Variants in COL1A1 observed in about 807,000 individuals in gnomAD.
COL1A1 encodes the protein collagen type I alpha 1 chain, also known as collagen alpha-1(I) chain.
In COL1A1, 21 loss-of-function variants were observed where a neutral mutation model predicts 195.7. The ratio of observed to expected loss-of-function variants is 0.11; its 90% CI spans 0.08 to 0.15. The LOEUF is 0.15. COL1A1 is among the 10% of genes least tolerant of loss of function. COL1A1 has a pLI of 1.00. For missense variants in COL1A1, 1,365 were observed against 2,051.0 expected (o/e 0.67, Z 6.46); for synonymous variants, 749 against 747.3 (o/e 1.00, Z -0.04).
rs540488544 is a variant in COL1A1, at chr17:50,193,063, G to A, written c.1768-16C>T. 3 of 1,613,466 alleles carry A rather than the reference G, an allele frequency of 1.9e-6. No homozygotes were observed. Among genetic ancestry groups the A allele is most frequent in the Non-Finnish European group, 2.5e-6 (3 of 1,179,832 alleles). On this transcript the variant is annotated splice_polypyrimidine_tract_variant and intron_variant, in intron 25 of 50. Coordinates refer to ENST00000225964, the MANE Select transcript of COL1A1 (RefSeq NM_000088.4). ...CGGGCTCTCCCTGTGGAGAAAGGGA[G>A]TTAGGGTTGAGGGGGCTGAAGTGAG...
At position 50,198,579 on chromosome 17, in the gene COL1A1, C is replaced by T. The variant is rs998104483; in HGVS notation, c.472-75G>A. Reference sequence around the variant, plus strand: ...AAGACGGCACTGAGGATGGAAGAAACTGACATCATGCACTTCCTGGTGTGA... The same window carrying T: ...AAGACGGCACTGAGGATGGAAGAAATTGACATCATGCACTTCCTGGTGTGA... On this transcript the variant is annotated intron_variant, in intron 5 of 50. Transcript: ENST00000225964. 4.9e-5 allele frequency: 58 copies of T among 1,172,800 alleles called. No homozygotes were observed. In the Middle Eastern group the frequency reaches 2.3e-3, roughly 46 times the overall value. The allele number at this position is 1,172,800 out of a possible 1,614,324, so 72.6% of individuals were successfully genotyped here. A position where few individuals can be genotyped will look rare whatever the true frequency, so the allele number is the denominator to read the frequency against.
At chr17:50,187,678 C>G in intron 45 of COL1A1, 141 bp from the exon 46 acceptor site, 2 of 1,002,334 alleles carry the variant, frequency 2.0e-6, no homozygotes, top group South Asian at 2.7e-5. Context: ...TGTCCATAGG[C>G]AGAGACCTCT....
rs1906473910 is a variant in COL1A1, at chr17:50,185,957, G to A, written c.4069C>T (p.Leu1357=). 6.2e-7 allele frequency: 1 copy of A among 1,613,934 alleles called. No individual in the cohort carries two copies. Among genetic ancestry groups the A allele is most frequent in the Admixed American group, 1.7e-5 (1 of 60,004 alleles). The change falls in exon 50 of 51, where the codon CTG becomes TTG. Residue 1357 remains leucine (L), a synonymous_variant. Coordinates refer to ENST00000225964, the MANE Select transcript of COL1A1 (RefSeq NM_000088.4). ...TTCTGGGAGGCCTCGGTGGACATCA[G>A]GCGCAGGAAGGTCAGCTGGATGGCC... is the stretch of plus-strand genomic sequence containing the variant. ...DVAIQLTFLR[L]MSTEASQNIT... is the part of the protein sequence containing the mutation.
intron 9 of COL1A1, 129 bp downstream of exon 9, chr17:50,197,603 C>T: frequency 1.3e-6 from 1 of 768,146 alleles, no homozygotes; most frequent in Non-Finnish European, 2.2e-6. Context: ...CCAGGGCAGT[C>T]CGTGCATCAG....
intron 1 of COL1A1, chr17:50,200,331 T>C: frequency 2.8e-6 from 1 of 352,934 alleles, no homozygotes; most frequent in Middle Eastern, 9.8e-4. Flanking sequence ...GCTTGCGTGG[T>C]AGAGACAGGA....
rs564100929 is a variant in COL1A1, at chr17:50,198,987, G to T, written c.471+239C>A. Among the ~76,000 whole-genome samples the T allele has an allele frequency of 3.0e-4, 45 of 152,182 alleles. 1 individual carries two copies. The South Asian group carries it at 8.5e-3, about 29-fold the overall frequency. ...GAAAAACACACCTAAGTATTTAGGC[G>T]CAAAAGAGCCTGATGTTAGCAACTT... On this transcript the variant is annotated intron_variant, in intron 5 of 50. Coordinates refer to ENST00000225964, the MANE Select transcript of COL1A1 (RefSeq NM_000088.4).
Position 50,184,475 on chromosome 17 carries a change from CAAAA to C in COL1A1, c.*1023_*1026del, listed in dbSNP as rs58879635. The C allele has an allele frequency of 2.2e-3, 265 of 121,598 alleles. No individual in the cohort carries two copies. The highest frequency in any genetic ancestry group is 2.8e-3 in the Non-Finnish European group (179 of 63,888). 7.5% of individuals were successfully genotyped at this position (121,598 alleles called of 1,614,324 possible). A position where few individuals can be genotyped will look rare whatever the true frequency, so the allele number is the denominator to read the frequency against. On this transcript the variant is annotated 3_prime_UTR_variant, in exon 51 of 51. Coordinates refer to ENST00000225964, the MANE Select transcript of COL1A1 (RefSeq NM_000088.4). ...AGAAAAATTCACAAGTCCCCATCCACAAAAAAAAAAAAAAAAAAAGAAAAATATC... is the reference window on the plus strand; with the variant it reads ...AGAAAAATTCACAAGTCCCCATCCACAAAAAAAAAAAAAAAGAAAAATATC...
chr17:50,199,938 A>G lies in COL1A1; in HGVS notation c.113T>C (p.Ile38Thr). 1 of 1,614,034 alleles carries G rather than the reference A, an allele frequency of 6.2e-7. No homozygotes were observed. Among genetic ancestry groups the G allele is most frequent in the Non-Finnish European group, 8.5e-7 (1 of 1,180,018 alleles). ...CCTGAGGCCGTTCTGTACGCAGGTG[A>G]TTGGTGGGACTGGGACAGGCGGAAG... ...VEGQDEDIPP[I>T]TCVQNGLRYH... Residue 38 changes from isoleucine (I) to threonine (T), a missense_variant, in exon 2 of 51, where the codon ATC becomes ACC. Physicochemically the swap from Ile to Thr is moderately conservative, Grantham distance 89 (BLOSUM62 -1). Coordinates refer to ENST00000225964, the MANE Select transcript of COL1A1 (RefSeq NM_000088.4).
intron 14 of COL1A1, 49 bp downstream of exon 14, chr17:50,196,265 G>T: frequency 6.2e-7 from 1 of 1,611,068 alleles, no homozygotes; most frequent in East Asian, 2.2e-5. Flanking sequence ...AGTTCCTGGG[G>T]AGCCCCTTCC....
In COL1A1 at chr17:50,186,711, G is replaced by C; in HGVS notation, c.3743C>G (p.Pro1248Arg). ...LSQQIENIRS[P>R]EGSRKNPART... is the part of the protein sequence containing the mutation. Reference sequence around the variant, plus strand: ...GGCGGGGTTCTTGCGGCTGCCCTCTGGGCTCCGGATGTTCTCGATCTGCTG... The same window carrying C: ...GGCGGGGTTCTTGCGGCTGCCCTCTCGGCTCCGGATGTTCTCGATCTGCTG... Residue 1248 changes from proline to arginine, a missense_variant, in exon 48 of 51, where the codon CCA becomes CGA. Physicochemically the swap from Pro to Arg is moderately radical, Grantham distance 103. Transcript: ENST00000225964. This position sits in a 1 kb window ranked among gnomAD's most constrained non-coding sequence, Gnocchi z 5.3. 6.2e-7 allele frequency: 1 copy of C among 1,613,658 alleles called. No individual in the cohort carries two copies. The highest frequency in any genetic ancestry group is 8.5e-7 in the Non-Finnish European group (1 of 1,180,036).
At position 50,184,979 on chromosome 17, in the gene COL1A1, G is replaced by A. The variant is rs1238579860; in HGVS notation, c.*523C>T. 4 of 231,610 alleles carry A rather than the reference G, an allele frequency of 1.7e-5. No homozygotes were observed. The highest frequency in any genetic ancestry group is 3.4e-5 in the Non-Finnish European group (4 of 117,424). The allele number at this position is 231,610 out of a possible 1,614,324, so 14.3% of individuals were successfully genotyped here. On this transcript the variant is annotated 3_prime_UTR_variant, in exon 51 of 51. Transcript: ENST00000225964. ...GAACCCCAGGTCCCCCAGGGCCTGG[G>A]GGTGCTGGGCGGGCAGGAGCGGGCT...
rs937804748 is a variant in COL1A1 at position 50,184,868 on chromosome 17, C to T, written c.*634G>A. ...GAACCCAGTGAGGGGCTGGTGGCTC[C>T]CCCGGCATGACCCCCTCAAAAACGA... On this transcript the variant is annotated 3_prime_UTR_variant, in exon 51 of 51. Coordinates refer to ENST00000225964, the MANE Select transcript of COL1A1 (RefSeq NM_000088.4). 8.7e-6 allele frequency: 2 copies of T among 230,286 alleles called. No individual in the cohort carries two copies. The highest frequency in any genetic ancestry group is 1.7e-5 in the Non-Finnish European group (2 of 116,330). 14.3% of individuals were successfully genotyped at this position (230,286 alleles called of 1,614,324 possible). A position where few individuals can be genotyped will look rare whatever the true frequency, so the allele number is the denominator to read the frequency against.
At chr17:50,198,093 C>T (rs910045397) in intron 7 of COL1A1, 68 bp downstream of exon 7, 10 of 1,608,514 alleles carry the variant, frequency 6.2e-6, no homozygotes, top group East Asian at 2.2e-5. Flanking sequence ...CTCTCCTGCC[C>T]TCATCCCAGT....
chr17:50,196,165 G>T lies in COL1A1; in HGVS notation c.992C>A (p.Ala331Asp), dbSNP rs762653813. The T allele has an allele frequency of 8.7e-6, 14 of 1,613,964 alleles. No individual in the cohort carries two copies. The highest frequency in any genetic ancestry group is 1.3e-5 in the African/African-American group (1 of 74,888). ...ARGNDGATGA[A>D]GPPGPTGPAG... ...ACAGGCCACACTCACAGGGGGCCCG[G>T]CAGCACCAGTAGCACCATCATTTCC... is the stretch of plus-strand genomic sequence containing the variant. Residue 331 changes from alanine (A) to aspartate (D), a missense_variant, in exon 15 of 51, where the codon GCC (alanine) becomes GAC (aspartate). By Grantham distance (126) the Ala-to-Asp change is moderately radical. Transcript: ENST00000225964.
chr17:50,199,812 T>C lies in COL1A1; in HGVS notation c.239A>G (p.Asn80Ser). 6.2e-7 allele frequency: 1 copy of C among 1,613,824 alleles called. No homozygotes were observed. The highest frequency in any genetic ancestry group is 8.5e-7 in the Non-Finnish European group (1 of 1,179,948). Residue 80 changes from asparagine to serine, a missense_variant, in exon 2 of 51, where the codon AAC (asparagine) becomes AGC (serine). This residue lies in a region of COL1A1 where 194 missense variants were observed against 221.7 expected (regional missense o/e 0.88). Coordinates refer to ENST00000225964, the MANE Select transcript of COL1A1 (RefSeq NM_000088.4). ...CTCGGGGACTTCGGCGCCGGGGCAG[T>C]TCTTGGTCTCGTCACAGATCACGTC... ...CDDVICDETKNCPGAEVPEGE... is the reference protein window; with the variant it reads ...CDDVICDETKSCPGAEVPEGE...
In COL1A1 at chr17:50,188,154, G is replaced by A. The variant is rs765609587; in HGVS notation, c.3208-5C>T. On this transcript the variant is annotated splice_polypyrimidine_tract_variant and splice_region_variant and intron_variant, in intron 43 of 50. Coordinates refer to ENST00000225964, the MANE Select transcript of COL1A1 (RefSeq NM_000088.4). The surrounding 1 kb of genome is among the most constrained non-coding windows in gnomAD (Gnocchi z 5.6). ...ACCGGCGGGACCAGCAGGACCCTGGGGAGAGCAAGGAAAGCATGAGCTCTT... is the reference window on the plus strand; with the variant it reads ...ACCGGCGGGACCAGCAGGACCCTGGAGAGAGCAAGGAAAGCATGAGCTCTT... The A allele has an allele frequency of 2.6e-6, 4 of 1,551,408 alleles. No homozygotes were observed. Among genetic ancestry groups the A allele is most frequent in the Admixed American group, 3.9e-5 (2 of 50,828 alleles).
At position 50,199,747 on chromosome 17, in the gene COL1A1, C is replaced by T. The variant is rs753705753; in HGVS notation, c.298+6G>A. The stretch of plus-strand genomic sequence containing the variant: ...CCCAGGCCCCAGGCCCCGAGCGCAG[C>T]CGCACCTGAGCCGTCGGGGCAGACG... On this transcript the variant is annotated splice_donor_region_variant and intron_variant, in intron 2 of 50. Coordinates refer to ENST00000225964, the MANE Select transcript of COL1A1 (RefSeq NM_000088.4). 3 of 1,610,672 alleles carry T rather than the reference C, an allele frequency of 1.9e-6. No homozygotes were observed. Among genetic ancestry groups the T allele is most frequent in the Non-Finnish European group, 2.5e-6 (3 of 1,179,320 alleles).
Position 50,192,707 on chromosome 17 carries a change from A to G in COL1A1, c.1876-14T>C. 2 of 1,614,048 alleles carry G rather than the reference A, an allele frequency of 1.2e-6. No homozygotes were observed. Among genetic ancestry groups the G allele is most frequent in the East Asian group, 4.5e-5 (2 of 44,872 alleles). ...GCCAGCGGGACCCTGCACAGAGAGA[A>G]CACTACAGTCACGGGGAGGCCGAGG... On this transcript the variant is annotated splice_polypyrimidine_tract_variant and intron_variant, in intron 27 of 50. Transcript: ENST00000225964.
rs533928094 is a variant in COL1A1, at chr17:50,194,956, A to G, written c.1353+91T>C. ...GGTGTGGCAGGGACTCCCCCAGAAG[A>G]CTAGGGGCTCCTCTTCCTTTCTGGA... On this transcript the variant is annotated intron_variant, in intron 20 of 50. Transcript: ENST00000225964. The surrounding 1 kb of genome is among the most constrained non-coding windows in gnomAD (Gnocchi z 6.8). 22 of 1,482,972 alleles carry G rather than the reference A, an allele frequency of 1.5e-5. No individual in the cohort carries two copies. Among genetic ancestry groups the G allele is most frequent in the Non-Finnish European group, 2.0e-5 (21 of 1,065,838 alleles). 91.9% of individuals were successfully genotyped at this position (1,482,972 alleles called of 1,614,324 possible). A position where few individuals can be genotyped will look rare whatever the true frequency, so the allele number is the denominator to read the frequency against.
Sources: gnomAD v4.1 joint callset for allele counts (sites outside exome capture counted in the v4.1 genomes callset) on GRCh38, gnomAD v4.1.1 for gene constraint, gnomAD v4.1.1 regional missense constraint, Gnocchi (gnomAD v3.1) non-coding constraint, MANE v1.5 for transcripts, NCBI Gene and HGNC (gene_info 2026-07-23, HGNC 2026-07-21) for gene names.